The following PROS1 variants were observed in gnomAD, a reference collection of about 807,000 sequenced individuals.
The protein encoded by PROS1 is vitamin K-dependent protein S.
In PROS1, 29 loss-of-function variants were observed where a neutral mutation model predicts 75.9. The observed-to-expected ratio is 0.38, with a 90% CI of 0.28 to 0.52. The LOEUF (loss-of-function observed/expected upper bound fraction) is 0.52, where lower values mean the gene tolerates loss of function less well. PROS1 is among the 20% of genes least tolerant of loss of function. The pLI, the probability that PROS1 is intolerant of heterozygous loss-of-function variation, is 0.83. For synonymous variants in PROS1, 245 were observed against 280.6 expected (o/e 0.87, Z 1.27); for missense variants, 680 against 810.3 (o/e 0.84, Z 1.95).
intron 10 of PROS1, among the ~76,000 whole-genome samples, chr3:93,890,979 C>T (rs1176458014): frequency 2.6e-5 from 4 of 152,084 alleles, no homozygotes; most frequent in Non-Finnish European, 5.9e-5. Context: ...GTGTCAGGCA[C>T]TGATAGTCCC....
At chr3:93,917,667 G>C (rs1366543589) in intron 3 of PROS1, among the ~76,000 whole-genome samples, 2 of 152,112 alleles carry the variant, frequency 1.3e-5, no homozygotes, top group Non-Finnish European at 2.9e-5. Flanking sequence ...GGGCTTGGCG[G>C]GCCGGCACTC....
intron 1 of PROS1, among the ~76,000 whole-genome samples, chr3:93,945,030 T>G (rs999072369): frequency 6.6e-6 from 1 of 152,118 alleles, no homozygotes; most frequent in Non-Finnish European, 1.5e-5. Flanking sequence ...CAGAGAATAC[T>G]ATGAACACCT....
At chr3:93,883,032 A>G (rs1708294676) in intron 12 of PROS1, among the ~76,000 whole-genome samples, 2 of 152,336 alleles carry the variant, frequency 1.3e-5, no homozygotes, top group South Asian at 2.1e-4. Flanking sequence ...TGATCACTAG[A>G]CATCTCCCCT....
chr3:93,886,200 C>G lies in PROS1; in HGVS notation c.1323+136G>C. On this transcript the variant is annotated intron_variant, in intron 11 of 14. Coordinates refer to ENST00000394236, the MANE Select transcript of PROS1 (RefSeq NM_000313.4). ...TCAAGGGTTACTAATGTTATTTTTC[C>G]ATGATCATTTCAAGTTGTCACACTT... 2 of 712,760 alleles carry G rather than the reference C, an allele frequency of 2.8e-6. 1 individual carries two copies. The highest frequency in any genetic ancestry group is 4.8e-6 in the Non-Finnish European group (2 of 412,394). The allele number at this position is 712,760 out of a possible 1,614,324, so 44.2% of individuals were successfully genotyped here.
intron 1 of PROS1, among the ~76,000 whole-genome samples, chr3:93,971,360 T>C (rs1468740300): frequency 0.06 from 103 of 1,730 alleles, no homozygotes; most frequent in African/African-American, 0.13. Context: ...CATCTCTAAA[T>C]AAATAAATAA....
intron 3 of PROS1, 41 bp downstream of exon 3, chr3:93,924,199 T>G: frequency 8.0e-7 from 1 of 1,244,370 alleles, no homozygotes; most frequent in South Asian, 1.6e-5. Context: ...TAAGTTCCCT[T>G]CCATTTCTAA....
At chr3:93,908,121 C>A (rs982807783) in intron 4 of PROS1, among the ~76,000 whole-genome samples, 4 of 152,078 alleles carry the variant, frequency 2.6e-5, no homozygotes, top group Non-Finnish European at 5.9e-5. Context: ...GTGATAGAGC[C>A]AGGCTCTCTC....
At chr3:93,940,362 A>C (rs143412045) in intron 1 of PROS1, among the ~76,000 whole-genome samples, 2 of 152,166 alleles carry the variant, frequency 1.3e-5, no homozygotes, top group Admixed American at 1.3e-4. Context: ...ATTGAGAGGT[A>C]CATCTGTCAC....
intron 1 of PROS1, among the ~76,000 whole-genome samples, chr3:93,956,563 AACACACACACAC>A (rs35328809): frequency 3.3e-4 from 43 of 128,380 alleles, no homozygotes; most frequent in Non-Finnish European, 5.3e-4. Context: ...CACACACACA[AACACACACACAC>A]ACACACACAC....
chr3:93,884,236 C>G (rs540960663), intron 12 of PROS1, among the ~76,000 whole-genome samples: 1 of 152,240 alleles, frequency 6.6e-6, no homozygotes, highest in East Asian at 1.9e-4. Flanking sequence ...TGACGAGACT[C>G]AGATATGACA....
chr3:93,939,716 G>A (rs1399824022), intron 1 of PROS1, among the ~76,000 whole-genome samples: 1 of 151,922 alleles, frequency 6.6e-6, no homozygotes, highest in Non-Finnish European at 1.5e-5. Context: ...ATCCAGCCCA[G>A]TTTATGGCTT....
intron 1 of PROS1, among the ~76,000 whole-genome samples, chr3:93,943,767 A>T (rs1709333103): frequency 6.6e-6 from 1 of 152,198 alleles, no homozygotes; most frequent in African/African-American, 2.4e-5. Flanking sequence ...CAAGTGAAGA[A>T]TCACCAAAGA....
chr3:93,874,040 GATA>G lies in PROS1; in HGVS notation c.*202_*204del. On this transcript the variant is annotated 3_prime_UTR_variant, in exon 15 of 15. Coordinates refer to ENST00000394236, the MANE Select transcript of PROS1 (RefSeq NM_000313.4). ...AAATTGTTATTTTTCACTATTCTTA[GATA>G]GCAAGAGAAGTAAGAATTTCTTTAC... 1 of 562,834 alleles carries G rather than the reference GATA, an allele frequency of 1.8e-6. No homozygotes were observed. Among genetic ancestry groups the G allele is most frequent in the Non-Finnish European group, 3.0e-6 (1 of 333,542 alleles). 34.9% of individuals were successfully genotyped at this position (562,834 alleles called of 1,614,324 possible). A position where few individuals can be genotyped will look rare whatever the true frequency, so the allele number is the denominator to read the frequency against.
Position 93,884,728 on chromosome 3 carries a change from T to C in PROS1, c.1492A>G (p.Asn498Asp). ...SGIAQFHIDY[N>D]NVSSAEGWHV... is the part of the protein sequence containing the mutation. ...TAGAGATAAATGGAAAATCACTTAC[T>C]ATAATCTATGTGAAATTGAGCAATT... The change falls in exon 12 of 15, where the codon AAT becomes GAT. Residue 498 changes from asparagine to aspartate, a missense_variant and splice_region_variant. Transcript: ENST00000394236. 3 of 1,611,550 alleles carry C rather than the reference T, an allele frequency of 1.9e-6. No individual in the cohort carries two copies. Among genetic ancestry groups the C allele is most frequent in the Non-Finnish European group, 2.5e-6 (3 of 1,177,946 alleles).
chr3:93,938,917 G>A (rs1449647385), intron 1 of PROS1, among the ~76,000 whole-genome samples: 1 of 152,058 alleles, frequency 6.6e-6, no homozygotes, highest in Non-Finnish European at 1.5e-5. Context: ...TGCTTTGGCT[G>A]CTCACCCACA....
At chr3:93,939,232 A>G (rs1015034322) in intron 1 of PROS1, among the ~76,000 whole-genome samples, 6 of 152,148 alleles carry the variant, frequency 3.9e-5, no homozygotes, top group Non-Finnish European at 8.8e-5. Context: ...TAAAATGAGC[A>G]AATGGTCTGA....
At chr3:93,935,948 T>A in intron 1 of PROS1, among the ~76,000 whole-genome samples, 1 of 137,046 alleles carries the variant, frequency 7.3e-6, no homozygotes. Context: ...GAAACTCAAG[T>A]CCACATTAAA....
At chr3:93,884,994 T>C (rs1365409278) in intron 11 of PROS1, 98 bp from the exon 12 acceptor site, 6 of 1,036,172 alleles carry the variant, frequency 5.8e-6, no homozygotes, top group Non-Finnish European at 8.5e-6. Context: ...AAATCCTTTC[T>C]TTGATAATAG....
At position 93,874,999 on chromosome 3, in the gene PROS1, A is replaced by G. The variant is rs1708161128; in HGVS notation, c.1871-594T>C. ...CTTTTTTGGCCTCTCCTCTCCATTA[A>G]TCTTAACTCACAATGGATATTCTTT... is the stretch of plus-strand genomic sequence containing the variant. On this transcript the variant is annotated intron_variant, in intron 14 of 14. Coordinates refer to ENST00000394236, the MANE Select transcript of PROS1 (RefSeq NM_000313.4). 4.6e-5 allele frequency among the ~76,000 whole-genome samples: 7 copies of G among 151,972 alleles called. No homozygotes were observed. In the South Asian group the frequency reaches 1.5e-3, roughly 32 times the overall value.
Sources: gnomAD v4.1 joint callset for allele counts (sites outside exome capture counted in the v4.1 genomes callset) on GRCh38, gnomAD v4.1.1 for gene constraint, MANE v1.5 for transcripts, NCBI Gene and HGNC (gene_info 2026-07-23, HGNC 2026-07-21) for gene names.